The following ANKS1B variants were observed in gnomAD, a reference collection of about 807,000 sequenced individuals.
ANKS1B encodes the protein ankyrin repeat and sterile alpha motif domain containing 1B.
In ANKS1B, 36 loss-of-function variants were observed where a neutral mutation model predicts 148.3. The observed-to-expected ratio is 0.24, with a 90% confidence interval of 0.19 to 0.32. The LOEUF (loss-of-function observed/expected upper bound fraction) is 0.32. ANKS1B is among the 10% of genes least tolerant of loss of function. The probability of loss-of-function intolerance (pLI) is 1.00; values close to 1 mark genes in which losing one functional copy is unlikely to be tolerated. For missense variants in ANKS1B, 1,157 were observed against 1,542.6 expected, an observed-to-expected ratio of 0.75 and a Z score of 4.19; for synonymous variants, 542 against 560.8, an observed-to-expected ratio of 0.97 and a Z score of 0.47.
At chr12:99,894,843 G>T (rs1047094357) in intron 1 of ANKS1B, among the ~76,000 whole-genome samples, 9 of 149,128 alleles carry the variant, frequency 6.0e-5, no homozygotes, top group African/African-American at 2.2e-4. Flanking sequence ...TTATAAAATA[G>T]GCTTTGTGTT....
intron 10 of ANKS1B, among the ~76,000 whole-genome samples, chr12:99,500,775 C>T (rs1270500036): frequency 6.6e-6 from 1 of 152,188 alleles, no homozygotes; most frequent in East Asian, 1.9e-4. Context: ...TCTTCGAGCT[C>T]AAGGGTAATA....
chr12:99,880,095 A>G (rs947310899), intron 1 of ANKS1B, among the ~76,000 whole-genome samples: 14 of 152,326 alleles, frequency 9.2e-5, no homozygotes, highest in African/African-American at 3.1e-4. Context: ...AAAAATGTAG[A>G]GTGATGATGA....
chr12:99,554,083 G>A (rs1002732156), intron 9 of ANKS1B, among the ~76,000 whole-genome samples: 1 of 152,144 alleles, frequency 6.6e-6, no homozygotes, highest in Non-Finnish European at 1.5e-5. Context: ...GATATGAAGA[G>A]AAAGAGAGAG....
chr12:99,075,870 T>C (rs2047700556), intron 16 of ANKS1B, among the ~76,000 whole-genome samples: 5 of 148,504 alleles, frequency 3.4e-5, no homozygotes, highest in Admixed American at 2.7e-4. Context: ...TATACATTTG[T>C]ATTATAAAAT....
In ANKS1B at chr12:99,067,064, G is replaced by C. The variant is rs528360980; in HGVS notation, c.2626-13755C>G. Among the ~76,000 whole-genome samples, 3 of 152,338 alleles carry C rather than the reference G, an allele frequency of 2.0e-5. No homozygotes were observed. In the South Asian group the frequency reaches 6.2e-4, roughly 32 times the overall value. ...GAATGATTTTAAAATCTGGCACTCT[G>C]ACTGTGCCCTGGCCAGTCTCCCATG... is the stretch of plus-strand genomic sequence containing the variant. On this transcript the variant is annotated intron_variant, in intron 16 of 26. Coordinates refer to ENST00000683438, the MANE Select transcript of ANKS1B (RefSeq NM_001352186.2).
chr12:98,997,955 G>T (rs545318603), intron 17 of ANKS1B, among the ~76,000 whole-genome samples: 1 of 152,116 alleles, frequency 6.6e-6, no homozygotes, highest in Non-Finnish European at 1.5e-5. Flanking sequence ...ATAAAAACCA[G>T]CAGTCATTTT....
chr12:99,868,275 A>G lies in ANKS1B; in HGVS notation c.135-42886T>C, dbSNP rs2091017649. Among the ~76,000 whole-genome samples, 4 of 152,298 alleles carry G rather than the reference A, an allele frequency of 2.6e-5. 1 individual carries two copies. The South Asian group carries it at 8.3e-4, about 32-fold the overall frequency. On this transcript the variant is annotated intron_variant, in intron 1 of 26. Transcript: ENST00000683438. ...CTTTATCTGAATGCTTAAAACCCAA[A>G]CGTGGCAAGTTCATGAGAATTTACT...
intron 12 of ANKS1B, among the ~76,000 whole-genome samples, chr12:99,256,251 A>AAAAAAAAAAAG (rs1203890770): frequency 1.3e-5 from 2 of 149,144 alleles, no homozygotes; most frequent in East Asian, 1.9e-4. Flanking sequence ...CTCCATCTCA[A>AAAAAAAAAAAG]AAAAAAAAAA....
At chr12:99,554,847 C>T (rs567279818) in intron 9 of ANKS1B, among the ~76,000 whole-genome samples, 3 of 152,258 alleles carry the variant, frequency 2.0e-5, no homozygotes, top group South Asian at 2.1e-4. Flanking sequence ...TCCTCCTCCT[C>T]CTACACTCCA....
Position 99,854,977 on chromosome 12 carries a change from CA to C in ANKS1B, c.135-29589del, listed in dbSNP as rs201930447. Among the ~76,000 whole-genome samples, 224 of 151,666 alleles carry C rather than the reference CA, an allele frequency of 1.5e-3. 4 individuals carry two copies. In the East Asian group the frequency reaches 0.035, roughly 24 times the overall value. ...CATAAATCTCACAGAACCTATAAAA[CA>C]ATAATACAATTGAAAAAAAAACCCA... On this transcript the variant is annotated intron_variant, in intron 1 of 26. Transcript: ENST00000683438.
At chr12:99,569,851 C>G (rs2097433553) in intron 9 of ANKS1B, among the ~76,000 whole-genome samples, 1 of 152,198 alleles carries the variant, frequency 6.6e-6, no homozygotes, top group East Asian at 1.9e-4. Flanking sequence ...CTGCTTCCTT[C>G]CTATGACTTC....
chr12:99,554,937 A>G (rs1434508709), intron 9 of ANKS1B, among the ~76,000 whole-genome samples: 1 of 152,166 alleles, frequency 6.6e-6, no homozygotes, highest in Non-Finnish European at 1.5e-5. Context: ...CATATAAGTA[A>G]GAATATGTGG....
At chr12:99,577,442 A>G (rs1165731877) in intron 9 of ANKS1B, among the ~76,000 whole-genome samples, 1 of 151,706 alleles carries the variant, frequency 6.6e-6, no homozygotes, top group Non-Finnish European at 1.5e-5. Flanking sequence ...ACAAGACCAA[A>G]ACTTTGTTGA....
intron 16 of ANKS1B, among the ~76,000 whole-genome samples, chr12:99,056,044 G>C (rs527909047): frequency 1.4e-4 from 22 of 152,232 alleles, no homozygotes; most frequent in Non-Finnish European, 2.6e-4. Context: ...ACAAGGGCAG[G>C]GTAGAGAGCA....
chr12:99,648,512 A>T, intron 9 of ANKS1B: 1 of 1,614,162 alleles, frequency 6.2e-7, no homozygotes, highest in Non-Finnish European at 8.5e-7. Context: ...CCGCCTGCAG[A>T]GATCTTAGAA....
At chr12:99,408,315 A>G (rs1237344398) in intron 11 of ANKS1B, among the ~76,000 whole-genome samples, 1 of 145,774 alleles carries the variant, frequency 6.9e-6, no homozygotes, top group East Asian at 1.9e-4. Flanking sequence ...ACGAAAGTAG[A>G]CCCCTATCTC....
intron 9 of ANKS1B, among the ~76,000 whole-genome samples, chr12:99,642,994 A>T (rs1262394492): frequency 6.7e-6 from 1 of 149,966 alleles, no homozygotes; most frequent in Non-Finnish European, 1.5e-5. Context: ...GCACACATTG[A>T]TAATCCAGGA....
intron 9 of ANKS1B, among the ~76,000 whole-genome samples, chr12:99,619,272 C>G (rs2098014470): frequency 6.6e-6 from 1 of 151,820 alleles, no homozygotes; most frequent in Non-Finnish European, 1.5e-5. Flanking sequence ...TTCAGAGCAC[C>G]CCCTCACTCA....
At chr12:99,375,435 A>G (rs73151128) in intron 12 of ANKS1B, among the ~76,000 whole-genome samples, 19,036 of 152,098 alleles carry the variant, frequency 0.13, 1,261 homozygotes, top group African/African-American at 0.17. Flanking sequence ...GAAAGTTACT[A>G]TTTTCCTTGT....
Sources: gnomAD v4.1 joint callset for allele counts (sites outside exome capture counted in the v4.1 genomes callset) on GRCh38, gnomAD v4.1.1 for gene constraint, MANE v1.5 for transcripts, NCBI Gene and HGNC (gene_info 2026-07-23, HGNC 2026-07-21) for gene names.